The following COL4A2 variants were observed in gnomAD, a reference collection of about 807,000 sequenced individuals.
COL4A2 encodes collagen type IV alpha 2 chain, also known as collagen alpha-2(IV) chain.
A neutral mutation model predicts 200.2 loss-of-function variants in COL4A2; 99 were observed. The observed-to-expected ratio is 0.49, with a 90% CI of 0.42 to 0.58. The LOEUF is 0.58. Ranked by LOEUF, COL4A2 falls within the 20% of genes least tolerant of loss-of-function variation. COL4A2 has a pLI of 0.00. For synonymous variants in COL4A2, 897 were observed against 900.6 expected, an observed-to-expected ratio of 1.00 and a Z score of 0.07; for missense variants, 1,950 against 2,314.1, an observed-to-expected ratio of 0.84 and a Z score of 3.23.
intron 40 of COL4A2, among the ~76,000 whole-genome samples, chr13:110,497,669 T>C (rs77996504): frequency 1.0e-4 from 15 of 149,926 alleles, no homozygotes; most frequent in African/African-American, 2.9e-4. Context: ...GACTGAGGAT[T>C]TAGGTCAATC....
chr13:110,483,899 C>T (rs1442912389), intron 32 of COL4A2, among the ~76,000 whole-genome samples: 3 of 152,132 alleles, frequency 2.0e-5, no homozygotes, highest in Admixed American at 1.3e-4. Context: ...TTTACTGGAG[C>T]GAGTTGTAGG....
At chr13:110,437,887 T>A (rs1880955019) in intron 13 of COL4A2, 115 bp from the exon 14 acceptor site, 2 of 856,820 alleles carry the variant, frequency 2.3e-6, no homozygotes, top group South Asian at 2.8e-5. Flanking sequence ...CAATTTATGA[T>A]GATTGTGTGA....
intron 4 of COL4A2, among the ~76,000 whole-genome samples, chr13:110,388,451 A>C (rs9515201): frequency 0.64 from 97,582 of 152,128 alleles, 32,601 homozygotes; most frequent in East Asian, 0.88. Flanking sequence ...CGTTGAACGA[A>C]AAAGAGAATG....
chr13:110,320,349 C>G (rs1885245665), intron 3 of COL4A2, among the ~76,000 whole-genome samples: 1 of 152,226 alleles, frequency 6.6e-6, no homozygotes, highest in Non-Finnish European at 1.5e-5. Context: ...GCTGTGATTT[C>G]TGGGCGATTT....
intron 47 of COL4A2, 101 bp from the exon 48 acceptor site, chr13:110,511,833 C>T: frequency 6.4e-7 from 1 of 1,559,750 alleles, no homozygotes; most frequent in Non-Finnish European, 8.7e-7. Context: ...TCATGGTTTG[C>T]TGTTCAGTAA....
At chr13:110,376,873 T>C (rs1452813752) in intron 4 of COL4A2, among the ~76,000 whole-genome samples, 3 of 152,152 alleles carry the variant, frequency 2.0e-5, no homozygotes, top group African/African-American at 7.2e-5. Context: ...CTGCTTGCCT[T>C]GGTGAGGCCA....
chr13:110,438,474 C>G lies in COL4A2; in HGVS notation c.862-144C>G, dbSNP rs1304156904. 5.4e-6 allele frequency: 6 copies of G among 1,107,886 alleles called. No individual in the cohort carries two copies. In the Admixed American group the frequency reaches 8.4e-5, roughly 16 times the overall value. 68.6% of individuals were successfully genotyped at this position (1,107,886 alleles called of 1,614,324 possible). ...TCTCCTAGGACCGTGCCCTGCACTG[C>G]GCCTGAGTTGAGCATCGCCAGGCGG... On this transcript the variant is annotated intron_variant, in intron 14 of 47. Coordinates refer to ENST00000360467, the MANE Select transcript of COL4A2 (RefSeq NM_001846.4).
chr13:110,475,124 C>T (rs529017885), intron 29 of COL4A2, among the ~76,000 whole-genome samples: 31 of 152,370 alleles, frequency 2.0e-4, no homozygotes, highest in Non-Finnish European at 3.5e-4. Flanking sequence ...AACCCTGAAC[C>T]AAGCCAGCTA....
At chr13:110,472,119 A>T (rs4990771) in intron 28 of COL4A2, among the ~76,000 whole-genome samples, 146,518 of 148,556 alleles carry the variant, frequency 0.99, 72,291 homozygotes, top group East Asian at 1. Context: ...TTTTCTTTTT[A>T]TTTTTTTCTC....
At chr13:110,369,846 G>T (rs1877926264) in intron 4 of COL4A2, among the ~76,000 whole-genome samples, 1 of 152,098 alleles carries the variant, frequency 6.6e-6, no homozygotes, top group Non-Finnish European at 1.5e-5. Context: ...CCCCTGTCCA[G>T]CCCCACTTTC....
At chr13:110,444,447 A>T (rs1881248704) in intron 16 of COL4A2, among the ~76,000 whole-genome samples, 1 of 152,176 alleles carries the variant, frequency 6.6e-6, no homozygotes, top group African/African-American at 2.4e-5. Flanking sequence ...GTGGCCTCTA[A>T]ACAGGACCTC....
At chr13:110,423,819 G>T (rs1880352340) in intron 4 of COL4A2, among the ~76,000 whole-genome samples, 1 of 152,194 alleles carries the variant, frequency 6.6e-6, no homozygotes, top group Admixed American at 6.5e-5. Flanking sequence ...CTATACAGGA[G>T]TTGTCGTTTT....
chr13:110,396,863 T>A (rs1188875604), intron 4 of COL4A2, among the ~76,000 whole-genome samples: 2 of 152,242 alleles, frequency 1.3e-5, no homozygotes, highest in African/African-American at 2.4e-5. Flanking sequence ...TTTTAAACTG[T>A]TGAACGTGTC....
At chr13:110,450,026 C>T (rs1489850343) in intron 19 of COL4A2, among the ~76,000 whole-genome samples, 1 of 152,212 alleles carries the variant, frequency 6.6e-6, no homozygotes, top group African/African-American at 2.4e-5. Flanking sequence ...GGGTAACTGG[C>T]ATGCTTCCAC....
chr13:110,393,650 G>T (rs1446162209), intron 4 of COL4A2, among the ~76,000 whole-genome samples: 1 of 151,528 alleles, frequency 6.6e-6, no homozygotes, highest in Non-Finnish European at 1.5e-5. Context: ...AGGCCAAGGT[G>T]GATGGATCAC....
intron 22 of COL4A2, among the ~76,000 whole-genome samples, chr13:110,460,981 CA>C (rs780011216): frequency 2.6e-5 from 4 of 152,200 alleles, no homozygotes; most frequent in Admixed American, 6.5e-5. Context: ...TTAATTAAAG[CA>C]ACTCCACACA....
intron 4 of COL4A2, among the ~76,000 whole-genome samples, chr13:110,421,352 C>A (rs1021074294): frequency 1.3e-5 from 2 of 152,148 alleles, no homozygotes; most frequent in African/African-American, 4.8e-5. Context: ...TAGAGACACC[C>A]CAGATGTCCA....
chr13:110,345,385 G>T (rs1255099844), intron 3 of COL4A2, among the ~76,000 whole-genome samples: 3 of 152,198 alleles, frequency 2.0e-5, no homozygotes, highest in African/African-American at 7.2e-5. Flanking sequence ...AGTGGATGCA[G>T]GGGAGCAGAA....
At chr13:110,435,286 C>T (rs1051734422) in intron 12 of COL4A2, among the ~76,000 whole-genome samples, 1 of 152,042 alleles carries the variant, frequency 6.6e-6, no homozygotes, top group Non-Finnish European at 1.5e-5. Flanking sequence ...ATTTATAGCC[C>T]CATACAATGA....
Sources: allele counts gnomAD v4.1 joint callset (sites outside exome capture counted in the v4.1 genomes callset), GRCh38; gene constraint gnomAD v4.1.1; transcripts MANE v1.5; gene names NCBI Gene and HGNC (gene_info 2026-07-23, HGNC 2026-07-21).